DDR2: variants seen among roughly 807,000 people sequenced by gnomAD.
The protein encoded by DDR2 is discoidin domain-containing receptor 2.
Under a neutral mutation model 94.9 loss-of-function variants are expected in DDR2, and 27 were observed. The observed-to-expected ratio is 0.28, with a 90% confidence interval of 0.21 to 0.39. The LOEUF is 0.39. DDR2 is among the 10% of genes least tolerant of loss of function. The pLI is 1.00. For missense variants in DDR2, 783 were observed against 1,076.0 expected, an observed-to-expected ratio of 0.73 and a Z score of 3.81; for synonymous variants, 382 against 377.2, an observed-to-expected ratio of 1.01 and a Z score of -0.15.
intron 2 of DDR2, among the ~76,000 whole-genome samples, chr1:162,704,688 A>T (rs191728220): frequency 6.6e-6 from 1 of 152,276 alleles, no homozygotes; most frequent in African/African-American, 2.4e-5. Context: ...GGACCCTGAA[A>T]GAGGGTGCCA....
chr1:162,774,403 T>C (rs2102191893), intron 14 of DDR2, among the ~76,000 whole-genome samples: 1 of 152,150 alleles, frequency 6.6e-6, no homozygotes, highest in South Asian at 2.1e-4. Flanking sequence ...ATTATTCTTA[T>C]TTTCCAAATT....
intron 2 of DDR2, among the ~76,000 whole-genome samples, chr1:162,673,292 A>G (rs1217796279): frequency 6.6e-6 from 1 of 152,138 alleles, no homozygotes; most frequent in Non-Finnish European, 1.5e-5. Context: ...TCACCCTCTT[A>G]TATTCCCCAT....
intron 12 of DDR2, 108 bp from the exon 13 acceptor site, chr1:162,771,916 G>A (rs1296668928): frequency 8.5e-7 from 1 of 1,177,364 alleles, no homozygotes; most frequent in African/African-American, 1.5e-5. Flanking sequence ...CATGAAGCAG[G>A]TTAGGCTTTC....
chr1:162,718,865 G>A (rs568943042), intron 2 of DDR2, among the ~76,000 whole-genome samples, 172 bp from the exon 3 acceptor site: 1 of 152,148 alleles, frequency 6.6e-6, no homozygotes, highest in African/African-American at 2.4e-5. Flanking sequence ...GTGATTATTG[G>A]ATGTGCCATT....
intron 3 of DDR2, among the ~76,000 whole-genome samples, chr1:162,728,360 A>G (rs180942290): frequency 6.6e-6 from 1 of 152,032 alleles, no homozygotes; most frequent in East Asian, 1.9e-4. Context: ...TGGAGCTGAA[A>G]GAATTTGCCA....
chr1:162,710,764 G>GCACA (rs113812328), intron 2 of DDR2, among the ~76,000 whole-genome samples: 14,320 of 147,668 alleles, frequency 0.097, 759 homozygotes, highest in Non-Finnish European at 0.12. Flanking sequence ...ACACAGTCAT[G>GCACA]CACACACACA....
chr1:162,647,016 G>A (rs1039318764), intron 1 of DDR2, among the ~76,000 whole-genome samples: 1 of 152,100 alleles, frequency 6.6e-6, no homozygotes. Flanking sequence ...TGAATGAAGG[G>A]GCAATTGTCA....
chr1:162,770,580 G>A (rs571524258), intron 12 of DDR2, 68 bp downstream of exon 12: 32 of 1,421,918 alleles, frequency 2.3e-5, no homozygotes, highest in African/African-American at 5.6e-5. Context: ...GGTATGACAC[G>A]CCTGCTCCCA....
At chr1:162,700,411 G>C (rs1286598482) in intron 2 of DDR2, among the ~76,000 whole-genome samples, 1 of 152,120 alleles carries the variant, frequency 6.6e-6, no homozygotes, top group East Asian at 1.9e-4. Flanking sequence ...CAGGGAGCTA[G>C]GTCAAGGACA....
chr1:162,755,891 C>A, intron 7 of DDR2, 122 bp downstream of exon 7: 2 of 879,160 alleles, frequency 2.3e-6, no homozygotes, highest in Non-Finnish European at 1.8e-6. Flanking sequence ...TTGTACAAGG[C>A]ATTTGGAAAT....
intron 1 of DDR2, among the ~76,000 whole-genome samples, chr1:162,634,628 C>T (rs908951974): frequency 1.3e-5 from 2 of 152,218 alleles, no homozygotes; most frequent in African/African-American, 4.8e-5. Flanking sequence ...AGCAGGCCTT[C>T]CTCCCTCCCG....
At chr1:162,632,922 G>A (rs551290964) in intron 1 of DDR2, among the ~76,000 whole-genome samples, 1 of 152,336 alleles carries the variant, frequency 6.6e-6, no homozygotes, top group African/African-American at 2.4e-5. Flanking sequence ...AATAAACAGT[G>A]TTAGCAGAGT....
rs149356400 is a variant in DDR2 at position 162,694,066 on chromosome 1, G to A, written c.-27-24971G>A. Among the ~76,000 whole-genome samples, 341 of 152,286 alleles carry A rather than the reference G, an allele frequency of 2.2e-3. 6 individuals are homozygous for A. In the East Asian group the frequency reaches 0.035, roughly 16 times the overall value. On this transcript the variant is annotated intron_variant, in intron 2 of 17. Transcript: ENST00000367921. The stretch of plus-strand genomic sequence containing the variant: ...AATTTTTGTATTTTTAGTAGAGATG[G>A]GGTTTCACCATGTTGGCCAGGGTGG...
At position 162,730,840 on chromosome 1, in the gene DDR2, G is replaced by A. The variant is rs1662005615; in HGVS notation, c.82+11695G>A. Reference sequence around the variant, plus strand: ...CACACAGCCCCAGCATTTGGCACATGTGCTGAGTGAGATACACTGCATGCT... The same window carrying A: ...CACACAGCCCCAGCATTTGGCACATATGCTGAGTGAGATACACTGCATGCT... On this transcript the variant is annotated intron_variant, in intron 3 of 17. Coordinates refer to ENST00000367921, the MANE Select transcript of DDR2 (RefSeq NM_006182.4). 2.0e-5 allele frequency among the ~76,000 whole-genome samples: 3 copies of A among 152,160 alleles called. No individual in the cohort carries two copies. The South Asian group carries it at 6.2e-4, about 32-fold the overall frequency.
chr1:162,749,377 C>A (rs1242643631), intron 3 of DDR2, among the ~76,000 whole-genome samples: 2 of 152,182 alleles, frequency 1.3e-5, no homozygotes, highest in South Asian at 2.1e-4. Flanking sequence ...ACTATAAACA[C>A]CTCTATGCAA....
intron 1 of DDR2, among the ~76,000 whole-genome samples, chr1:162,635,176 G>T (rs1200216648): frequency 6.6e-6 from 1 of 152,110 alleles, no homozygotes; most frequent in African/African-American, 2.4e-5. Context: ...CTGTGAACTC[G>T]CACTTTTCTT....
At chr1:162,633,580 A>G (rs1656664271) in intron 1 of DDR2, among the ~76,000 whole-genome samples, 1 of 152,210 alleles carries the variant, frequency 6.6e-6, no homozygotes, top group South Asian at 2.1e-4. Context: ...GGAGCTGAAA[A>G]TGAAATTGAG....
At chr1:162,760,091 T>C in intron 8 of DDR2, 112 bp downstream of exon 8, 1 of 1,382,466 alleles carries the variant, frequency 7.2e-7, no homozygotes, top group East Asian at 2.4e-5. Flanking sequence ...AATGACATAT[T>C]CTGTTACTAA....
chr1:162,756,954 G>A (rs1663493123), intron 7 of DDR2, among the ~76,000 whole-genome samples: 1 of 152,156 alleles, frequency 6.6e-6, no homozygotes, highest in African/African-American at 2.4e-5. Flanking sequence ...ATTTGGCCAG[G>A]CATGTTAGGT....
Sources: allele counts gnomAD v4.1 joint callset (sites outside exome capture counted in the v4.1 genomes callset), GRCh38; gene constraint gnomAD v4.1.1; transcripts MANE v1.5; gene names NCBI Gene and HGNC (gene_info 2026-07-23, HGNC 2026-07-21).